PTPRZ1: variants seen among roughly 807,000 people sequenced by gnomAD.
PTPRZ1 encodes the protein receptor-type tyrosine-protein phosphatase zeta.
A neutral mutation model predicts 214.1 loss-of-function variants in PTPRZ1; 82 were observed. The ratio of observed to expected loss-of-function variants is 0.38; its 90% CI spans 0.32 to 0.46. The LOEUF (loss-of-function observed/expected upper bound fraction) is 0.46. Among genes scored for constraint, PTPRZ1 ranks in the 20% least tolerant of loss-of-function variants. The pLI is 1.00. For missense variants in PTPRZ1, 2,603 were observed against 2,748.7 expected, an observed-to-expected ratio of 0.95 and a Z score of 1.19; for synonymous variants, 945 against 987.9, an observed-to-expected ratio of 0.96 and a Z score of 0.81.
At chr7:121,939,035 C>A (rs542007338) in intron 2 of PTPRZ1, among the ~76,000 whole-genome samples, 4 of 152,312 alleles carry the variant, frequency 2.6e-5, no homozygotes, top group African/African-American at 9.6e-5. Flanking sequence ...CAGAGACTCA[C>A]ACATAGTAGG....
Position 121,997,875 on chromosome 7 carries a change from T to C in PTPRZ1, c.1114-5T>C. 6.3e-7 allele frequency: 1 copy of C among 1,599,560 alleles called. No individual in the cohort carries two copies. Among genetic ancestry groups the C allele is most frequent in the Non-Finnish European group, 8.6e-7 (1 of 1,169,472 alleles). ...TTTGTATAATTACTAACATCTTTCT[T>C]TTAGGGTGCTATTCTCAATAATTTG... On this transcript the variant is annotated splice_region_variant and splice_polypyrimidine_tract_variant and intron_variant, in intron 9 of 29. Coordinates refer to ENST00000393386, the MANE Select transcript of PTPRZ1 (RefSeq NM_002851.3).
At chr7:121,880,702 A>C (rs765481779) in intron 1 of PTPRZ1, among the ~76,000 whole-genome samples, 3 of 152,182 alleles carry the variant, frequency 2.0e-5, no homozygotes, top group Non-Finnish European at 4.4e-5. Context: ...GATATAAGGA[A>C]GTTTTTAGAT....
intron 8 of PTPRZ1, among the ~76,000 whole-genome samples, chr7:121,989,239 A>C (rs1193941190): frequency 6.6e-6 from 1 of 152,230 alleles, no homozygotes; most frequent in Non-Finnish European, 1.5e-5. Flanking sequence ...GGAGAAATGA[A>C]TCTGATTAGA....
intron 21 of PTPRZ1, among the ~76,000 whole-genome samples, 156 bp downstream of exon 21, chr7:122,041,135 A>G (rs1799719786): frequency 1.3e-5 from 2 of 152,238 alleles, no homozygotes; most frequent in African/African-American, 4.8e-5. Context: ...TCACTAGGAA[A>G]TGAACATGCC....
In PTPRZ1 at chr7:121,976,074, T is replaced by C. The variant is rs1010411407; in HGVS notation, c.457-99T>C. 6.8e-6 allele frequency: 5 copies of C among 739,556 alleles called. No individual in the cohort carries two copies. In the African/African-American group the frequency reaches 8.5e-5, roughly 13 times the overall value. The allele number at this position is 739,556 out of a possible 1,614,324, so 45.8% of individuals were successfully genotyped here. A position where few individuals can be genotyped will look rare whatever the true frequency, so the allele number is the denominator to read the frequency against. On this transcript the variant is annotated intron_variant, in intron 4 of 29. Coordinates refer to ENST00000393386, the MANE Select transcript of PTPRZ1 (RefSeq NM_002851.3). ...AGCAAATGTAGTTGTATACATGTAA[T>C]TTATAAAAGATTTTGGAAATACTTA... is the stretch of plus-strand genomic sequence containing the variant.
intron 2 of PTPRZ1, among the ~76,000 whole-genome samples, chr7:121,954,575 C>A (rs750482757): frequency 6.6e-6 from 1 of 152,150 alleles, no homozygotes; most frequent in Non-Finnish European, 1.5e-5. Flanking sequence ...CTGGAATACC[C>A]TATGCATATT....
intron 2 of PTPRZ1, among the ~76,000 whole-genome samples, chr7:121,938,590 A>AG (rs1422451171): frequency 6.6e-6 from 1 of 152,224 alleles, no homozygotes; most frequent in East Asian, 1.9e-4. Flanking sequence ...GCATTTCATA[A>AG]GGATGGCCCC....
chr7:122,007,865 A>G (rs758993597), intron 11 of PTPRZ1, among the ~76,000 whole-genome samples: 1 of 152,154 alleles, frequency 6.6e-6, no homozygotes, highest in Non-Finnish European at 1.5e-5. Flanking sequence ...GTAGTCAGAT[A>G]TGAATAAAGT....
intron 1 of PTPRZ1, among the ~76,000 whole-genome samples, chr7:121,878,292 A>G (rs924754004): frequency 3.9e-5 from 6 of 152,144 alleles, no homozygotes; most frequent in African/African-American, 1.4e-4. Context: ...GGCTAGTGGC[A>G]ATCACATGGG....
At position 122,040,916 on chromosome 7, in the gene PTPRZ1, C is replaced by A. The variant is rs1292004139; in HGVS notation, c.5738C>A (p.Thr1913Asn). Residue 1913 changes from threonine (T) to asparagine (N), a missense_variant, in exon 21 of 30, where the codon ACC becomes AAC. Thr to Asn is a moderately conservative substitution (Grantham distance 65). Transcript: ENST00000393386. ...GVPEYSLPVL[T>N]FVRKAAYAKR... ...CCAGAGTACTCCCTGCCAGTGCTGA[C>A]CTTTGTGAGAAAGGCAGCCTATGCC... 11 of 1,604,022 alleles carry A rather than the reference C, an allele frequency of 6.9e-6. No individual in the cohort carries two copies. The highest frequency in any genetic ancestry group is 1.3e-5 in the African/African-American group (1 of 74,700).
chr7:122,027,838 T>C (rs1296053687), intron 13 of PTPRZ1, among the ~76,000 whole-genome samples: 1 of 152,172 alleles, frequency 6.6e-6, no homozygotes, highest in African/African-American at 2.4e-5. Context: ...AATATATTCA[T>C]TCTCGAAACC....
At chr7:121,963,020 T>TA (rs35813801) in intron 2 of PTPRZ1, among the ~76,000 whole-genome samples, 1,705 of 149,564 alleles carry the variant, frequency 0.011, 20 homozygotes, top group African/African-American at 0.037. Flanking sequence ...GTTTTTCCAC[T>TA]AAAAAAAAAA....
At chr7:122,049,885 T>C (rs1052790933) in intron 23 of PTPRZ1, among the ~76,000 whole-genome samples, 32 of 152,162 alleles carry the variant, frequency 2.1e-4, no homozygotes, top group African/African-American at 7.7e-4. Flanking sequence ...GGAAGACTTA[T>C]GATGTGATAT....
At chr7:121,979,604 T>G (rs1412542594) in intron 6 of PTPRZ1, among the ~76,000 whole-genome samples, 1 of 152,198 alleles carries the variant, frequency 6.6e-6, no homozygotes, top group Non-Finnish European at 1.5e-5. Context: ...TTTCTTCATC[T>G]TTGTTCCTCC....
chr7:121,979,180 C>T (rs1465558936), intron 6 of PTPRZ1, among the ~76,000 whole-genome samples: 1 of 152,124 alleles, frequency 6.6e-6, no homozygotes, highest in Non-Finnish European at 1.5e-5. Flanking sequence ...AAGCCCATTT[C>T]TCATTCCTCC....
At chr7:121,931,415 G>C (rs1006162282) in intron 2 of PTPRZ1, among the ~76,000 whole-genome samples, 1 of 152,062 alleles carries the variant, frequency 6.6e-6, no homozygotes, top group African/African-American at 2.4e-5. Context: ...GTATGTATGA[G>C]TAAAATGAAA....
At chr7:122,054,804 T>C in intron 26 of PTPRZ1, 137 bp from the exon 27 acceptor site, 1 of 823,604 alleles carries the variant, frequency 1.2e-6, no homozygotes, top group Non-Finnish European at 1.8e-6. Flanking sequence ...ACGAGAAAGA[T>C]GTTAAGAGTA....
At position 121,952,391 on chromosome 7, in the gene PTPRZ1, C is replaced by T. The variant is rs540910223; in HGVS notation, c.125-15560C>T. 4.5e-4 allele frequency among the ~76,000 whole-genome samples: 69 copies of T among 152,106 alleles called. No individual in the cohort carries two copies. In the South Asian group the frequency reaches 0.014, roughly 31 times the overall value. On this transcript the variant is annotated intron_variant, in intron 2 of 29. Coordinates refer to ENST00000393386, the MANE Select transcript of PTPRZ1 (RefSeq NM_002851.3). ...TTGAGGCCAGAAGTAGAAGACCATCCTGGGCAACATAGAGAGACTCTATAT... is the reference window on the plus strand; with the variant it reads ...TTGAGGCCAGAAGTAGAAGACCATCTTGGGCAACATAGAGAGACTCTATAT...
chr7:122,034,259 G>C (rs755319037), intron 16 of PTPRZ1, 23 bp from the exon 17 acceptor site: 2 of 1,602,320 alleles, frequency 1.2e-6, no homozygotes, highest in Non-Finnish European at 1.7e-6. Flanking sequence ...GTGTTAAAAT[G>C]ATTTACATAT....
Sources: gnomAD v4.1 joint callset for allele counts (sites outside exome capture counted in the v4.1 genomes callset) on GRCh38, gnomAD v4.1.1 for gene constraint, MANE v1.5 for transcripts, NCBI Gene and HGNC (gene_info 2026-07-23, HGNC 2026-07-21) for gene names.